CCDC80: variants seen among roughly 807,000 people sequenced by gnomAD.
The protein encoded by CCDC80 is coiled-coil domain-containing protein 80.
CCDC80 carries 49 observed loss-of-function variants against 78.7 expected under a neutral mutation model. That is an observed-to-expected ratio of 0.62 (90% CI 0.50 to 0.79). The LOEUF is 0.79. CCDC80 is among the 30% of genes least tolerant of loss of function. The pLI is 0.00. For synonymous variants in CCDC80, 488 were observed against 447.0 expected, an observed-to-expected ratio of 1.09 and a Z score of -1.16; for missense variants, 1,205 against 1,198.6, an observed-to-expected ratio of 1.01 and a Z score of -0.08.
In CCDC80 at chr3:112,607,017, C is replaced by G. The variant is rs929844259; in HGVS notation, c.2506+159G>C. Among the ~76,000 whole-genome samples the G allele has an allele frequency of 3.9e-5, 6 of 152,228 alleles. No individual in the cohort carries two copies. In the South Asian group the frequency reaches 1.0e-3, roughly 26 times the overall value. ...TCCACACCCCTTCCCCTACATATCC[C>G]GTGCACACACAGGCACACATGCACA... On this transcript the variant is annotated intron_variant, in intron 7 of 7. Transcript: ENST00000206423.
At chr3:112,626,704 T>C (rs1371007435) in intron 3 of CCDC80, among the ~76,000 whole-genome samples, 1 of 152,048 alleles carries the variant, frequency 6.6e-6, no homozygotes, top group African/African-American at 2.4e-5. Context: ...TCTGCCACCA[T>C]GCCCAGCTAA....
At chr3:112,623,606 A>G (rs1400249588) in intron 3 of CCDC80, among the ~76,000 whole-genome samples, 2 of 152,212 alleles carry the variant, frequency 1.3e-5, no homozygotes, top group Admixed American at 6.5e-5. Flanking sequence ...AAGCCCAGGA[A>G]TCTGCATTTA....
At chr3:112,611,209 A>G (rs11489073) in intron 5 of CCDC80, among the ~76,000 whole-genome samples, 31,794 of 152,068 alleles carry the variant, frequency 0.21, 5,931 homozygotes, top group African/African-American at 0.49. Flanking sequence ...CACTGCGCCC[A>G]GCCTTCCTTA....
chr3:112,629,309 C>T (rs1298670149), intron 3 of CCDC80, among the ~76,000 whole-genome samples: 2 of 146,932 alleles, frequency 1.4e-5, no homozygotes, highest in South Asian at 4.2e-4. Context: ...AAACCATGAA[C>T]AACAACAAAA....
intron 3 of CCDC80, among the ~76,000 whole-genome samples, chr3:112,623,166 G>T (rs941022385): frequency 7.2e-5 from 11 of 152,076 alleles, no homozygotes; most frequent in African/African-American, 2.7e-4. Context: ...CATTTGCCTA[G>T]AGTGCTATTC....
In CCDC80 at chr3:112,638,497, C is replaced by T. The variant is rs145745813; in HGVS notation, c.1409G>A (p.Arg470Lys). The T allele has an allele frequency of 4.3e-6, 7 of 1,612,842 alleles. No individual in the cohort carries two copies. In the African/African-American group the frequency reaches 8.1e-5, roughly 19 times the overall value. Residue 470 changes from arginine to lysine, a missense_variant, in exon 2 of 8, where the codon AGG becomes AAG. Coordinates refer to ENST00000206423, the MANE Select transcript of CCDC80 (RefSeq NM_199511.3). ...PGRFRDNRMD[R>K]REHGHRDPNV... is the part of the protein sequence containing the mutation. ...TGGGTCTCGGTGGCCATGTTCCCGC[C>T]TGTCCATGCGGTTGTCCCGGAAACG...
At chr3:112,633,975 T>C (rs1004641204) in intron 2 of CCDC80, among the ~76,000 whole-genome samples, 12 of 152,248 alleles carry the variant, frequency 7.9e-5, no homozygotes, top group African/African-American at 2.4e-4. Flanking sequence ...GTATTTCTTT[T>C]TCATGGCTTC....
At chr3:112,624,261 AGG>A (rs1407337913) in intron 3 of CCDC80, among the ~76,000 whole-genome samples, 3 of 152,216 alleles carry the variant, frequency 2.0e-5, no homozygotes, top group African/African-American at 7.2e-5. Flanking sequence ...TGCATGCATT[AGG>A]TCTTTTAAAT....
At chr3:112,623,227 A>G (rs1474122875) in intron 3 of CCDC80, among the ~76,000 whole-genome samples, 2 of 152,106 alleles carry the variant, frequency 1.3e-5, no homozygotes, top group Non-Finnish European at 2.9e-5. Flanking sequence ...GTGGTACTAA[A>G]TTTTTTCATG....
intron 2 of CCDC80, among the ~76,000 whole-genome samples, chr3:112,632,281 G>A (rs1341823260): frequency 2.0e-5 from 3 of 152,028 alleles, no homozygotes; most frequent in East Asian, 1.9e-4. Flanking sequence ...TAAATAAAAT[G>A]AATGTTTAAG....
At position 112,604,165 on chromosome 3, in the gene CCDC80, AACATT is replaced by A. The variant is rs1328075386; in HGVS notation, c.*1247_*1251del. Reference sequence around the variant, plus strand: ...ATTGAAATGACAACAAAGGATTTACAACATTACATAAATTTCATTAATAAAGCAGC... The same window carrying A: ...ATTGAAATGACAACAAAGGATTTACAACATAAATTTCATTAATAAAGCAGC... On this transcript the variant is annotated 3_prime_UTR_variant, in exon 8 of 8. Transcript: ENST00000206423. 1 of 152,272 alleles carries A rather than the reference AACATT, an allele frequency of 6.6e-6. No individual in the cohort carries two copies. Among genetic ancestry groups the A allele is most frequent in the Admixed American group, 6.5e-5 (1 of 15,282 alleles). 9.4% of individuals were successfully genotyped at this position (152,272 alleles called of 1,614,324 possible).
In CCDC80 at chr3:112,639,366, C is replaced by T. The variant is rs186618289; in HGVS notation, c.540G>A (p.Ala180=). ...LLKDDVYCEL[A]ERHIQQIVLF... The stretch of plus-strand genomic sequence containing the variant: ...GCACAATCTGTTGGATGTGCCTCTC[C>T]GCCAGCTCACAGTACACATCGTCCT... The change falls in exon 2 of 8, where the codon GCG becomes GCA. Residue 180 remains alanine, a synonymous_variant. Transcript: ENST00000206423. The T allele has an allele frequency of 1.9e-6, 3 of 1,614,154 alleles. No homozygotes were observed. Among genetic ancestry groups the T allele is most frequent in the East Asian group, 2.2e-5 (1 of 44,878 alleles).
chr3:112,616,913 T>TCC, intron 4 of CCDC80, 55 bp from the exon 5 acceptor site: 2 of 1,570,922 alleles, frequency 1.3e-6, no homozygotes, highest in Non-Finnish European at 8.7e-7. Context: ...CTTCTCTCTA[T>TCC]TCAGAGGATA....
intron 6 of CCDC80, among the ~76,000 whole-genome samples, chr3:112,609,542 G>A (rs1430332732): frequency 2.0e-5 from 3 of 152,100 alleles, no homozygotes; most frequent in Admixed American, 2.0e-4. Context: ...AATATAGTCT[G>A]CTTCAATTAA....
Position 112,605,468 on chromosome 3 carries a change from G to A in CCDC80, c.2802C>T (p.Tyr934=), listed in dbSNP as rs1199422085. ...HSYHQGYQDG[Y]QDDYRHHESY... is the part of the protein sequence containing the mutation. The stretch of plus-strand genomic sequence containing the variant: ...TCTCATGATGACGGTAGTCATCCTG[G>A]TAACCATCCTGGTATCCTTGGTGGT... The change falls in exon 8 of 8, where the codon TAC becomes TAT. Residue 934 remains tyrosine, a synonymous_variant. Transcript: ENST00000206423. 6.2e-7 allele frequency: 1 copy of A among 1,614,128 alleles called. No homozygotes were observed. The highest frequency in any genetic ancestry group is 8.5e-7 in the Non-Finnish European group (1 of 1,180,000).
At chr3:112,621,152 G>A (rs1323342394) in intron 3 of CCDC80, among the ~76,000 whole-genome samples, 1 of 152,084 alleles carries the variant, frequency 6.6e-6, no homozygotes, top group Non-Finnish European at 1.5e-5. Context: ...ATGGGAAATG[G>A]GTTGAGCTGT....
rs943818013 is a variant in CCDC80 at position 112,600,381 on chromosome 3, A to C, written c.*5036T>G. 1.3e-5 allele frequency: 2 copies of C among 152,224 alleles called. No individual in the cohort carries two copies. The highest frequency in any genetic ancestry group is 2.9e-5 in the Non-Finnish European group (2 of 68,044). 9.4% of individuals were successfully genotyped at this position (152,224 alleles called of 1,614,324 possible). A position where few individuals can be genotyped will look rare whatever the true frequency, so the allele number is the denominator to read the frequency against. ...GAGAAATGCTTGAAAAAGTAATCTC[A>C]GGTTGTAAAAAAGAACTATCTTTTT... On this transcript the variant is annotated 3_prime_UTR_variant, in exon 8 of 8. Coordinates refer to ENST00000206423, the MANE Select transcript of CCDC80 (RefSeq NM_199511.3).
chr3:112,607,147 C>G (rs1434772867), intron 7 of CCDC80, 29 bp downstream of exon 7: 3 of 1,514,800 alleles, frequency 2.0e-6, no homozygotes, highest in Non-Finnish European at 2.7e-6. Context: ...AACACTAGTT[C>G]ATACTGTTTC....
rs1291561501 is a variant in CCDC80 at position 112,639,638 on chromosome 3, C to T, written c.268G>A (p.Glu90Lys). 6 of 1,614,160 alleles carry T rather than the reference C, an allele frequency of 3.7e-6. No individual in the cohort carries two copies. The Admixed American group carries it at 8.3e-5, about 22-fold the overall frequency. Residue 90 changes from glutamate (E) to lysine (K), a missense_variant, in exon 2 of 8, where the codon GAG (glutamate) becomes AAG (lysine). Physicochemically the swap from Glu to Lys is moderately conservative, Grantham distance 56. Coordinates refer to ENST00000206423, the MANE Select transcript of CCDC80 (RefSeq NM_199511.3). ...TTGATGTCCGAGCGGGCTGGCGGCT[C>T]TGTTGGGCGAGCTAGTCTCAACACG... ...VPVLRLARPT[E>K]PPARSDINGA...
Sources: gnomAD v4.1 joint callset for allele counts (sites outside exome capture counted in the v4.1 genomes callset) on GRCh38, gnomAD v4.1.1 for gene constraint, MANE v1.5 for transcripts, NCBI Gene and HGNC (gene_info 2026-07-23, HGNC 2026-07-21) for gene names.